Variants in SMIM45 observed in about 807,000 individuals in gnomAD.
The protein encoded by SMIM45 is long intergenic non-protein coding RNA 634.
chr22:41,956,869 A>G, the SMIM45 span, among the ~76,000 whole-genome samples: 1 of 152,150 alleles, frequency 6.6e-6, no homozygotes, highest in Non-Finnish European at 1.5e-5. Context: ...GCTCACTGCA[A>G]CCTCCACCTC....
chr22:41,949,082 C>G, the SMIM45 span, among the ~76,000 whole-genome samples: 1 of 151,564 alleles, frequency 6.6e-6, no homozygotes, highest in Non-Finnish European at 1.5e-5. Context: ...AAAAAACAAA[C>G]AAACAAATTA....
the SMIM45 span, among the ~76,000 whole-genome samples, chr22:41,948,208 C>T: frequency 6.6e-6 from 1 of 152,182 alleles, no homozygotes; most frequent in East Asian, 1.9e-4. Flanking sequence ...GTATGTCCAG[C>T]ACTCTAAAAG....
At chr22:41,947,292 G>C in the SMIM45 span, 1 of 583,658 alleles carries the variant, frequency 1.7e-6, no homozygotes, top group Non-Finnish European at 3.1e-6. Context: ...CAGGCCTTTG[G>C]TTCCACGCTC....
At chr22:41,958,328 G>A in the SMIM45 span, 1 of 456,590 alleles carries the variant, frequency 2.2e-6, no homozygotes, top group Non-Finnish European at 4.4e-6. Flanking sequence ...GCAGGTCGAA[G>A]CCAACCCAAG....
chr22:41,947,496 G>T, the SMIM45 span, among the ~76,000 whole-genome samples: 6 of 151,482 alleles, frequency 4.0e-5, no homozygotes, highest in Non-Finnish European at 7.4e-5. Flanking sequence ...GCCTCCCAAG[G>T]AGCTGGGACT....
chr22:41,954,767 G>T, the SMIM45 span, among the ~76,000 whole-genome samples: 2 of 151,992 alleles, frequency 1.3e-5, no homozygotes, highest in Admixed American at 1.3e-4. Context: ...CAGCACTTTG[G>T]GAGTCCGAGG....
the SMIM45 span, among the ~76,000 whole-genome samples, chr22:41,951,838 CA>C: frequency 6.6e-6 from 1 of 152,178 alleles, no homozygotes; most frequent in Non-Finnish European, 1.5e-5. Flanking sequence ...ACCCGCTTGC[CA>C]TTTACCCCAG....
At chr22:41,958,315 T>C in the SMIM45 span, 2 of 456,520 alleles carry the variant, frequency 4.4e-6, no homozygotes, top group African/African-American at 4.0e-5. Flanking sequence ...CCTGCAACTT[T>C]AGGCAGGTCG....
the SMIM45 span, among the ~76,000 whole-genome samples, chr22:41,949,226 C>G: frequency 1.7e-4 from 26 of 150,086 alleles, no homozygotes; most frequent in African/African-American, 6.4e-4. Context: ...GCCTGGGTGA[C>G]ATGTGAGACT....
At chr22:41,954,309 C>T in the SMIM45 span, among the ~76,000 whole-genome samples, 2 of 149,772 alleles carry the variant, frequency 1.3e-5, no homozygotes, top group African/African-American at 2.5e-5. Context: ...CAGGCTCAAG[C>T]GATTTTCCTG....
chr22:41,955,989 G>A, the SMIM45 span, among the ~76,000 whole-genome samples: 2 of 151,410 alleles, frequency 1.3e-5, no homozygotes, highest in South Asian at 2.1e-4. Flanking sequence ...AGACACAAAA[G>A]CTCTATCACC....
At chr22:41,948,734 A>G in the SMIM45 span, among the ~76,000 whole-genome samples, 72 of 152,156 alleles carry the variant, frequency 4.7e-4, no homozygotes, top group Admixed American at 6.5e-4. Flanking sequence ...CCTAGGCAAT[A>G]TAGTGAGACC....
chr22:41,958,300 C>T, the SMIM45 span: 2 of 456,618 alleles, frequency 4.4e-6, no homozygotes, highest in Non-Finnish European at 8.8e-6. Context: ...CTCAATGGCA[C>T]CGGCCCTGCA....
the SMIM45 span, chr22:41,957,682 C>A: frequency 6.5e-6 from 1 of 153,176 alleles, no homozygotes; most frequent in Non-Finnish European, 1.5e-5. Context: ...CCAAGGCCGC[C>A]GCGATGCCGC....
At chr22:41,950,304 C>T in the SMIM45 span, among the ~76,000 whole-genome samples, 2 of 152,158 alleles carry the variant, frequency 1.3e-5, no homozygotes, top group Non-Finnish European at 2.9e-5. Context: ...AAGAAGCCAC[C>T]ATCACCATTA....
At chr22:41,956,211 A>G in the SMIM45 span, among the ~76,000 whole-genome samples, 4 of 152,096 alleles carry the variant, frequency 2.6e-5, no homozygotes, top group Non-Finnish European at 5.9e-5. Context: ...GGGTTTTGCC[A>G]TGTTGCCCAG....
At chr22:41,951,845 C>T in the SMIM45 span, among the ~76,000 whole-genome samples, 1 of 152,176 alleles carries the variant, frequency 6.6e-6, no homozygotes, top group Non-Finnish European at 1.5e-5. Flanking sequence ...TGCCATTTAC[C>T]CCAGCATCTC....
the SMIM45 span, chr22:41,958,652 C>T: frequency 3.7e-6 from 1 of 268,908 alleles, no homozygotes; most frequent in East Asian, 9.3e-5. Context: ...TCCCAACCCC[C>T]TCCCTCTGCT....
At chr22:41,948,599 T>G in the SMIM45 span, among the ~76,000 whole-genome samples, 1 of 151,850 alleles carries the variant, frequency 6.6e-6, no homozygotes, top group African/African-American at 2.4e-5. Flanking sequence ...TTCCTGAAAG[T>G]CAAGCAGTAG....
Sources: gnomAD v4.1 joint callset for allele counts (sites outside exome capture counted in the v4.1 genomes callset) on GRCh38, gnomAD v4.1.1 for gene constraint, MANE v1.5 for transcripts, NCBI Gene and HGNC (gene_info 2026-07-23, HGNC 2026-07-21) for gene names.